Variants in ZFP69 observed in about 807,000 individuals in gnomAD.
The protein encoded by ZFP69 is zinc finger protein 69 homolog.
A neutral mutation model predicts 48.9 loss-of-function variants in ZFP69; 35 were observed. That is an observed-to-expected ratio of 0.72 (90% confidence interval 0.55 to 0.95). The LOEUF is 0.95. Ranked by LOEUF, ZFP69 falls within the 40% of genes least tolerant of loss-of-function variation. The probability of loss-of-function intolerance (pLI) is 0.00; values close to 1 mark genes in which losing one functional copy is unlikely to be tolerated. For synonymous variants in ZFP69, 193 were observed against 216.8 expected (o/e 0.89, Z 0.96); for missense variants, 557 against 638.4 (o/e 0.87, Z 1.37).
Position 40,489,625 on chromosome 1 carries a change from G to A in ZFP69, c.442+1G>A, listed in dbSNP as rs777852790. 6.3e-7 allele frequency: 1 copy of A among 1,599,926 alleles called. No homozygotes were observed. Among genetic ancestry groups the A allele is most frequent in the Non-Finnish European group, 8.5e-7 (1 of 1,174,360 alleles). On this transcript the variant is annotated splice_donor_variant, in intron 5 of 5. Transcript: ENST00000372706. LOFTEE classifies it high-confidence loss of function. Reference sequence around the variant, plus strand: ...GAAGGCCCAGGAGATCCCAGTTCAGGTGAGACCAAGTGTGTTAGTCTGTTT... The same window carrying A: ...GAAGGCCCAGGAGATCCCAGTTCAGATGAGACCAAGTGTGTTAGTCTGTTT...
Position 40,495,635 on chromosome 1 carries a change from A to G in ZFP69, c.1157A>G (p.Asn386Ser), listed in dbSNP as rs775725230. 2 of 1,614,254 alleles carry G rather than the reference A, an allele frequency of 1.2e-6. No homozygotes were observed. The highest frequency in any genetic ancestry group is 1.7e-5 in the Admixed American group (1 of 60,028). Reference sequence around the variant, plus strand: ...TCTGGAGAGAAACCTTTTACTTGCAATGAATGTGGGAAAACCTTTAGACAG... The same window carrying G: ...TCTGGAGAGAAACCTTTTACTTGCAGTGAATGTGGGAAAACCTTTAGACAG... Reference protein sequence around the residue: ...THSGEKPFTCNECGKTFRQIR... With the variant: ...THSGEKPFTCSECGKTFRQIR... Residue 386 changes from asparagine to serine, a missense_variant, in exon 6 of 6, where the codon AAT becomes AGT. By Grantham distance (46) the Asn-to-Ser change is conservative. Transcript: ENST00000372706.
At chr1:40,481,508 G>A (rs1162856111) in intron 2 of ZFP69, among the ~76,000 whole-genome samples, 1 of 152,048 alleles carries the variant, frequency 6.6e-6, no homozygotes, top group East Asian at 1.9e-4. Flanking sequence ...GGGGGAGTGG[G>A]ATTTAAAGGA....
intron 5 of ZFP69, among the ~76,000 whole-genome samples, chr1:40,490,458 G>A (rs750272083): frequency 2.0e-5 from 3 of 152,104 alleles, no homozygotes; most frequent in Non-Finnish European, 1.5e-5. Context: ...AATATCACCC[G>A]TCCCTTCCTT....
At chr1:40,478,723 T>C (rs1645414293) in intron 1 of ZFP69, among the ~76,000 whole-genome samples, 1 of 152,202 alleles carries the variant, frequency 6.6e-6, no homozygotes, top group Non-Finnish European at 1.5e-5. Flanking sequence ...ATCTCCATTT[T>C]ATAGATTAAG....
chr1:40,492,675 T>C (rs1645580895), intron 5 of ZFP69, among the ~76,000 whole-genome samples: 1 of 152,210 alleles, frequency 6.6e-6, no homozygotes, highest in Non-Finnish European at 1.5e-5. Flanking sequence ...TGGAATAGAA[T>C]TGAATTTCTA....
At position 40,479,220 on chromosome 1, in the gene ZFP69, G is replaced by A. The variant is rs2124438147; in HGVS notation, c.-142G>A. On this transcript the variant is annotated 5_prime_UTR_variant, in exon 2 of 6. Coordinates refer to ENST00000372706, the MANE Select transcript of ZFP69 (RefSeq NM_001320179.2). ...CACATCAGTCTCTAGGAACCCCCAG[G>A]TCCTGGTGCTGCAGGGACACACCAG... The A allele has an allele frequency of 9.4e-7, 1 of 1,058,590 alleles. No individual in the cohort carries two copies. The highest frequency in any genetic ancestry group is 2.5e-5 in the East Asian group (1 of 40,072). 65.6% of individuals were successfully genotyped at this position (1,058,590 alleles called of 1,614,324 possible). A position where few individuals can be genotyped will look rare whatever the true frequency, so the allele number is the denominator to read the frequency against.
rs1207832967 is a variant in ZFP69 at position 40,479,236 on chromosome 1, G to A, written c.-126G>A. 1 of 1,288,456 alleles carries A rather than the reference G, an allele frequency of 7.8e-7. No individual in the cohort carries two copies. Among genetic ancestry groups the A allele is most frequent in the Non-Finnish European group, 1.1e-6 (1 of 904,708 alleles). 79.8% of individuals were successfully genotyped at this position (1,288,456 alleles called of 1,614,324 possible). A position where few individuals can be genotyped will look rare whatever the true frequency, so the allele number is the denominator to read the frequency against. On this transcript the variant is annotated 5_prime_UTR_variant, in exon 2 of 6. Coordinates refer to ENST00000372706, the MANE Select transcript of ZFP69 (RefSeq NM_001320179.2). ...AACCCCCAGGTCCTGGTGCTGCAGG[G>A]ACACACCAGAGTCCTGAGGGCAGGT...
At chr1:40,489,377 T>C in intron 4 of ZFP69, 152 bp from the exon 5 acceptor site, 1 of 1,148,444 alleles carries the variant, frequency 8.7e-7, no homozygotes, top group South Asian at 1.5e-5. Flanking sequence ...TTTGACTTTC[T>C]TGGGGAACAA....
rs141825573 is a variant in ZFP69, at chr1:40,488,683, G to A, written c.220-405G>A. Among the ~76,000 whole-genome samples the A allele has an allele frequency of 2.0e-3, 297 of 152,300 alleles. 2 individuals are homozygous for A. The highest frequency in any genetic ancestry group is 7.0e-3 in the African/African-American group (289 of 41,556). Reference sequence around the variant, plus strand: ...ACCTGCCCAGGATGCTCTTCTCTCAGATTTCCATGTGGTTCTTCCCTTTAC... The same window carrying A: ...ACCTGCCCAGGATGCTCTTCTCTCAAATTTCCATGTGGTTCTTCCCTTTAC... On this transcript the variant is annotated intron_variant, in intron 3 of 5. Coordinates refer to ENST00000372706, the MANE Select transcript of ZFP69 (RefSeq NM_001320179.2).
intron 5 of ZFP69, among the ~76,000 whole-genome samples, chr1:40,492,676 T>C (rs998107047): frequency 6.6e-6 from 1 of 152,218 alleles, no homozygotes; most frequent in Non-Finnish European, 1.5e-5. Context: ...GGAATAGAAT[T>C]GAATTTCTAG....
rs78398829 is a variant in ZFP69 at position 40,482,264 on chromosome 1, A to C, written c.219+410A>C. Reference sequence around the variant, plus strand: ...TGTACATGAATTACTGTGAACTTTGAGAGGTGACCCTTAGTGTAATATTGA... The same window carrying C: ...TGTACATGAATTACTGTGAACTTTGCGAGGTGACCCTTAGTGTAATATTGA... On this transcript the variant is annotated intron_variant, in intron 3 of 5. Coordinates refer to ENST00000372706, the MANE Select transcript of ZFP69 (RefSeq NM_001320179.2). 8.8e-3 allele frequency among the ~76,000 whole-genome samples: 1,340 copies of C among 152,226 alleles called. 20 individuals carry two copies. The highest frequency in any genetic ancestry group is 0.031 in the African/African-American group (1,275 of 41,532).
At chr1:40,481,002 T>A (rs766510721) in intron 2 of ZFP69, among the ~76,000 whole-genome samples, 21 of 152,226 alleles carry the variant, frequency 1.4e-4, no homozygotes, top group Non-Finnish European at 2.8e-4. Context: ...AGAGCTGGGG[T>A]TTCACCATAA....
intron 3 of ZFP69, among the ~76,000 whole-genome samples, chr1:40,484,883 CTTTTTTTTTTTTT>C (rs71060386): frequency 2.3e-5 from 1 of 44,392 alleles, no homozygotes; most frequent in Admixed American, 4.1e-4. Context: ...GCCTGGCCTG[CTTTTTTTTTTTTT>C]TTTTTTTTTT....
In ZFP69 at chr1:40,495,007, A is replaced by C; in HGVS notation, c.529A>C (p.Ser177Arg). 2 of 1,614,032 alleles carry C rather than the reference A, an allele frequency of 1.2e-6. No homozygotes were observed. The highest frequency in any genetic ancestry group is 1.7e-6 in the Non-Finnish European group (2 of 1,179,992). ...ERLYHGIMME[S>R]FMRDDIIYST... ...CTTATATCATGGCATTATGATGGAA[A>C]GTTTCATGAGGGATGATATAATTTA... The change falls in exon 6 of 6, where the codon AGT becomes CGT. Residue 177 changes from serine to arginine, a missense_variant. By Grantham distance (110) the Ser-to-Arg change is moderately radical (BLOSUM62 -1). Transcript: ENST00000372706.
Position 40,495,783 on chromosome 1 carries a change from G to C in ZFP69, c.1305G>C (p.Gly435=), listed in dbSNP as rs750443143. 1 of 1,614,152 alleles carries C rather than the reference G, an allele frequency of 6.2e-7. No individual in the cohort carries two copies. Residue 435 remains glycine (G), a synonymous_variant, in exon 6 of 6, where the codon GGG becomes GGC. Transcript: ENST00000372706. ...YLTHHQRIHT[G]ERPYKCKECG... ...CACATCACCAGAGAATCCATACTGG[G>C]GAGAGACCCTACAAATGTAAAGAAT...
chr1:40,494,255 A>ATTTTTTTTTT lies in ZFP69; in HGVS notation c.443-666_443-665insTTTTTTTTTT, dbSNP rs1645598717. On this transcript the variant is annotated intron_variant, in intron 5 of 5. Transcript: ENST00000372706. ...ATTAGAGCAGGACTAAAAGATTCAA[A>ATTTTTTTTTT]ATTTTTTTTTTTTTTTTTTTTTTTT... Among the ~76,000 whole-genome samples, 45 of 123,860 alleles carry ATTTTTTTTTT rather than the reference A, an allele frequency of 3.6e-4. 7 individuals are homozygous for ATTTTTTTTTT. The highest frequency in any genetic ancestry group is 7.5e-4 in the Admixed American group (8 of 10,698). The allele number at this position is 123,860 out of a possible 152,430, so 81.3% of individuals were successfully genotyped here.
At position 40,495,036 on chromosome 1, in the gene ZFP69, C is replaced by G. The variant is rs767926216; in HGVS notation, c.558C>G (p.Ser186=). ...TCATGAGGGATGATATAATTTATTCCACGTTGAGAAAAGTCTCCACATATG... is the reference window on the plus strand; with the variant it reads ...TCATGAGGGATGATATAATTTATTCGACGTTGAGAAAAGTCTCCACATATG... ...ESFMRDDIIY[S]TLRKVSTYDD... The change falls in exon 6 of 6, where the codon TCC becomes TCG. Residue 186 remains serine (S), a synonymous_variant. Coordinates refer to ENST00000372706, the MANE Select transcript of ZFP69 (RefSeq NM_001320179.2). The G allele has an allele frequency of 3.1e-6, 5 of 1,613,904 alleles. No individual in the cohort carries two copies. The highest frequency in any genetic ancestry group is 4.2e-6 in the Non-Finnish European group (5 of 1,179,988).
At chr1:40,491,785 G>GTATATA (rs745905179) in intron 5 of ZFP69, among the ~76,000 whole-genome samples, 14 of 148,842 alleles carry the variant, frequency 9.4e-5, no homozygotes, top group African/African-American at 3.2e-4. Context: ...GTGTGTGTGT[G>GTATATA]TATATATATA....
intron 2 of ZFP69, 97 bp downstream of exon 2, chr1:40,479,585 A>ACC: frequency 2.3e-5 from 32 of 1,394,722 alleles, no homozygotes; most frequent in Non-Finnish European, 3.0e-5. Flanking sequence ...GAGGGAGAGA[A>ACC]GGTCTCTGGG....
Sources: allele counts gnomAD v4.1 joint callset (sites outside exome capture counted in the v4.1 genomes callset), GRCh38; gene constraint gnomAD v4.1.1; transcripts MANE v1.5; gene names NCBI Gene and HGNC (gene_info 2026-07-23, HGNC 2026-07-21).